The following P4HB variants were observed in gnomAD, a reference collection of about 807,000 sequenced individuals.
P4HB encodes the protein prolyl 4-hydroxylase subunit beta, also known as protein disulfide-isomerase.
P4HB carries 20 observed loss-of-function variants against 52.6 expected under a neutral mutation model. The ratio of observed to expected loss-of-function variants is 0.38; its 90% CI spans 0.27 to 0.55. The LOEUF (loss-of-function observed/expected upper bound fraction) is 0.55, where lower values mean the gene tolerates loss of function less well. P4HB is among the 20% of genes least tolerant of loss of function. P4HB has a pLI of 0.74. For synonymous variants in P4HB, 296 were observed against 277.9 expected (o/e 1.07, Z -0.65); for missense variants, 601 against 669.2 (o/e 0.90, Z 1.12).
chr17:81,847,527 C>A, intron 4 of P4HB, 180 bp from the exon 5 acceptor site: 1 of 623,592 alleles, frequency 1.6e-6, no homozygotes, highest in Non-Finnish European at 2.9e-6. Context: ...AAGACTGGCT[C>A]TGGTCACGGC....
In P4HB at chr17:81,847,009, C is replaced by T. The variant is rs2038745575; in HGVS notation, c.793G>A (p.Val265Met). ...THILLFLPKS[V>M]SDYDGKLSNF... Reference sequence around the variant, plus strand: ...CTCAGTTTGCCGTCATAGTCAGACACACTCTTGGGCAAGAACAGCAGGATG... The same window carrying T: ...CTCAGTTTGCCGTCATAGTCAGACATACTCTTGGGCAAGAACAGCAGGATG... Residue 265 changes from valine to methionine, a missense_variant, in exon 6 of 11, where the codon GTG becomes ATG. Physicochemically the swap from Val to Met is conservative, Grantham distance 21. Coordinates refer to ENST00000331483, the MANE Select transcript of P4HB (RefSeq NM_000918.4). 3 of 1,614,002 alleles carry T rather than the reference C, an allele frequency of 1.9e-6. No homozygotes were observed. Among genetic ancestry groups the T allele is most frequent in the African/African-American group, 1.3e-5 (1 of 74,944 alleles).
chr17:81,843,540 G>A lies in P4HB; in HGVS notation c.*472C>T, dbSNP rs2038685419. ...ATGGCGACACTGCAGGCGGTACTGA[G>A]TGACCATGTCCAGTCCGGCTCCGTC... On this transcript the variant is annotated 3_prime_UTR_variant, in exon 11 of 11. Transcript: ENST00000331483. The A allele has an allele frequency of 2.4e-6, 1 of 417,658 alleles. No individual in the cohort carries two copies. Among genetic ancestry groups the A allele is most frequent in the Non-Finnish European group, 4.2e-6 (1 of 237,288 alleles). 25.9% of individuals were successfully genotyped at this position (417,658 alleles called of 1,614,324 possible).
chr17:81,849,327 C>A (rs1232855527), intron 4 of P4HB, among the ~76,000 whole-genome samples: 2 of 150,374 alleles, frequency 1.3e-5, no homozygotes, highest in Non-Finnish European at 3.0e-5. Context: ...AAAACGTCGT[C>A]TTTACTAGAA....
chr17:81,858,273 A>C (rs1463763648), intron 2 of P4HB, among the ~76,000 whole-genome samples: 5 of 151,570 alleles, frequency 3.3e-5, no homozygotes, highest in African/African-American at 1.2e-4. Context: ...AAAAAAAAAA[A>C]AAAAAAAAAG....
In P4HB at chr17:81,860,332, T is replaced by C; in HGVS notation, c.140A>G (p.Glu47Gly). The change falls in exon 1 of 11, where the codon GAG becomes GGG. Residue 47 changes from glutamate (E) to glycine (G), a missense_variant. Transcript: ENST00000331483. ...CCGCCAGGCCCGGCGCTCACAGAACTCCACCAGCAGGTACTTGTGGGCCGC... is the reference window on the plus strand; with the variant it reads ...CCGCCAGGCCCGGCGCTCACAGAACCCCACCAGCAGGTACTTGTGGGCCGC... Reference protein sequence around the residue: ...ALAAHKYLLVEFYAPWCGHCK... With the variant: ...ALAAHKYLLVGFYAPWCGHCK... 1 of 1,465,130 alleles carries C rather than the reference T, an allele frequency of 6.8e-7. No individual in the cohort carries two copies. The highest frequency in any genetic ancestry group is 9.0e-7 in the Non-Finnish European group (1 of 1,106,758). The allele number at this position is 1,465,130 out of a possible 1,614,324, so 90.8% of individuals were successfully genotyped here.
chr17:81,850,937 CTT>C (rs1200513966), intron 4 of P4HB, among the ~76,000 whole-genome samples: 2 of 144,772 alleles, frequency 1.4e-5, no homozygotes, highest in Non-Finnish European at 1.5e-5. Context: ...CCCCTTGAAC[CTT>C]TTTTTTTTTT....
In P4HB at chr17:81,846,026, A is replaced by G. The variant is rs200656778; in HGVS notation, c.1057-35T>C. ...AGGCAGGGCACGGTGAGGGGCGGCG[A>G]TGCCTGGGGGACCACAGAGCTCCCC... On this transcript the variant is annotated intron_variant, in intron 7 of 10. Coordinates refer to ENST00000331483, the MANE Select transcript of P4HB (RefSeq NM_000918.4). The surrounding 1 kb of genome is among the most constrained non-coding windows in gnomAD (Gnocchi z 5.7). The G allele has an allele frequency of 1.3e-6, 2 of 1,575,346 alleles. No homozygotes were observed. The highest frequency in any genetic ancestry group is 1.7e-6 in the Non-Finnish European group (2 of 1,160,150).
In P4HB at chr17:81,855,169, G is replaced by C. The variant is rs762917538; in HGVS notation, c.597C>G (p.Asp199Glu). 1.9e-6 allele frequency: 3 copies of C among 1,613,968 alleles called. No individual in the cohort carries two copies. The highest frequency in any genetic ancestry group is 1.1e-5 in the South Asian group (1 of 91,092). The change falls in exon 4 of 11, where the codon GAC (aspartate) becomes GAG (glutamate). Residue 199 changes from aspartate (D) to glutamate (E), a missense_variant. Coordinates refer to ENST00000331483, the MANE Select transcript of P4HB (RefSeq NM_000918.4). The surrounding 1 kb of genome is among the most constrained non-coding windows in gnomAD (Gnocchi z 4.3). Reference protein sequence around the residue: ...NSDVFSKYQLDKDGVVLFKKF... With the variant: ...NSDVFSKYQLEKDGVVLFKKF... ...TCTTAAAGAGGACAACCCCATCTTTGTCGAGCTGGTATTTGGAGAACACGT... is the reference window on the plus strand; with the variant it reads ...TCTTAAAGAGGACAACCCCATCTTTCTCGAGCTGGTATTTGGAGAACACGT...
chr17:81,847,358 A>T lies in P4HB; in HGVS notation c.625-11T>A, dbSNP rs2038753390. On this transcript the variant is annotated splice_polypyrimidine_tract_variant and intron_variant, in intron 4 of 10. Transcript: ENST00000331483. ...CCGGCCTTCATCAAACTGTGGACAG[A>T]AAGAGGGCCCTGACTGAGCATTGCT... The T allele has an allele frequency of 6.2e-7, 1 of 1,607,250 alleles. No homozygotes were observed. The highest frequency in any genetic ancestry group is 8.5e-7 in the Non-Finnish European group (1 of 1,173,740).
intron 5 of P4HB, 82 bp downstream of exon 5, chr17:81,847,161 C>T (rs532418590): frequency 1.3e-5 from 20 of 1,597,128 alleles, no homozygotes; most frequent in East Asian, 2.2e-5. Context: ...AGACGCTGGA[C>T]AGCAGTGGTG....
intron 2 of P4HB, among the ~76,000 whole-genome samples, chr17:81,858,479 C>T (rs1381622065): frequency 6.6e-6 from 1 of 152,134 alleles, no homozygotes; most frequent in Non-Finnish European, 1.5e-5. Context: ...GAATGAGCTG[C>T]TTTCGGGCTA....
At chr17:81,845,071 C>A (rs1329918200) in intron 10 of P4HB, 73 bp downstream of exon 10, 2 of 1,248,370 alleles carry the variant, frequency 1.6e-6, no homozygotes, top group African/African-American at 3.0e-5. Flanking sequence ...ACAAGCCGAG[C>A]CCAAGTGGGC....
chr17:81,844,496 T>A (rs2038702821), intron 10 of P4HB, among the ~76,000 whole-genome samples: 3 of 152,124 alleles, frequency 2.0e-5, no homozygotes, highest in South Asian at 2.1e-4. Flanking sequence ...GTGACCATTC[T>A]ACTTCCAACC....
Position 81,846,473 on chromosome 17 carries a change from T to C in P4HB, c.1012A>G (p.Arg338Gly). Reference sequence around the variant, plus strand: ...AAGCGGTGGCAGAACTCTGTGATCCTCTCTGCCGTCAGCTCCTCCGATTCG... The same window carrying C: ...AAGCGGTGGCAGAACTCTGTGATCCCCTCTGCCGTCAGCTCCTCCGATTCG... ...KPESEELTAE[R>G]ITEFCHRFLE... is the part of the protein sequence containing the mutation. Residue 338 changes from arginine (R) to glycine (G), a missense_variant, in exon 7 of 11, where the codon AGG becomes GGG. By Grantham distance (125) the Arg-to-Gly change is moderately radical. Coordinates refer to ENST00000331483, the MANE Select transcript of P4HB (RefSeq NM_000918.4). This position sits in a 1 kb window ranked among gnomAD's most constrained non-coding sequence, Gnocchi z 5.7. The C allele has an allele frequency of 6.2e-7, 1 of 1,613,704 alleles. No homozygotes were observed. Among genetic ancestry groups the C allele is most frequent in the Non-Finnish European group, 8.5e-7 (1 of 1,180,014 alleles).
rs1368164381 is a variant in P4HB, at chr17:81,846,796, G to A, written c.855+151C>T. 1.6e-6 allele frequency: 2 copies of A among 1,226,220 alleles called. No individual in the cohort carries two copies. Among genetic ancestry groups the A allele is most frequent in the African/African-American group, 1.5e-5 (1 of 67,102 alleles). The allele number at this position is 1,226,220 out of a possible 1,614,324, so 76.0% of individuals were successfully genotyped here. A position where few individuals can be genotyped will look rare whatever the true frequency, so the allele number is the denominator to read the frequency against. The stretch of plus-strand genomic sequence containing the variant: ...TGACTGGGAGCAGAGGTCTGGCCTG[G>A]CTGGCCCCTCGCCTACATCCAGGCT... On this transcript the variant is annotated intron_variant, in intron 6 of 10. Coordinates refer to ENST00000331483, the MANE Select transcript of P4HB (RefSeq NM_000918.4). This position sits in a 1 kb window ranked among gnomAD's most constrained non-coding sequence, Gnocchi z 5.7.
intron 4 of P4HB, among the ~76,000 whole-genome samples, chr17:81,851,311 A>G (rs1474937859): frequency 6.6e-6 from 1 of 152,198 alleles, no homozygotes; most frequent in African/African-American, 2.4e-5. Flanking sequence ...GCGTCTGCAG[A>G]GTAACTTAGA....
At position 81,855,130 on chromosome 17, in the gene P4HB, G is replaced by A. The variant is rs373725005; in HGVS notation, c.624+12C>T. The A allele has an allele frequency of 1.3e-5, 21 of 1,613,614 alleles. No individual in the cohort carries two copies. Among genetic ancestry groups the A allele is most frequent in the Non-Finnish European group, 1.6e-5 (19 of 1,179,764 alleles). ...AGAACTAACCTGGGCAGAGCTGCCT[G>A]GGGCCACTCACCTTCTTAAAGAGGA... On this transcript the variant is annotated intron_variant, in intron 4 of 10. Transcript: ENST00000331483. The surrounding 1 kb of genome is among the most constrained non-coding windows in gnomAD (Gnocchi z 4.3).
At chr17:81,854,218 G>A (rs879193117) in intron 4 of P4HB, among the ~76,000 whole-genome samples, 1 of 152,262 alleles carries the variant, frequency 6.6e-6, no homozygotes, top group Admixed American at 6.5e-5. Context: ...GCTGCAGGAC[G>A]CTCTGAATGT....
At chr17:81,850,881 G>GC (rs2038820015) in intron 4 of P4HB, among the ~76,000 whole-genome samples, 2 of 151,852 alleles carry the variant, frequency 1.3e-5, no homozygotes, top group Non-Finnish European at 1.5e-5. Flanking sequence ...TCTTGTCCTG[G>GC]CCTCCCTAAG....
Sources: allele counts gnomAD v4.1 joint callset (sites outside exome capture counted in the v4.1 genomes callset), GRCh38; gene constraint gnomAD v4.1.1; non-coding constraint Gnocchi (gnomAD v3.1); transcripts MANE v1.5; gene names NCBI Gene and HGNC (gene_info 2026-07-23, HGNC 2026-07-21).